The following NRIP1 variants were observed in gnomAD, a reference collection of about 807,000 sequenced individuals.
NRIP1 encodes nuclear receptor-interacting protein 1.
Under a neutral mutation model 75.0 loss-of-function variants are expected in NRIP1, and 28 were observed. The observed-to-expected ratio is 0.37, with a 90% CI of 0.28 to 0.51. The LOEUF (loss-of-function observed/expected upper bound fraction) is 0.51, where lower values mean the gene tolerates loss of function less well. NRIP1 is among the 20% of genes least tolerant of loss of function. The pLI is 0.92. For synonymous variants in NRIP1, 526 were observed against 487.6 expected (o/e 1.08, Z -1.04); for missense variants, 1,435 against 1,343.7 (o/e 1.07, Z -1.06).
At chr21:15,003,982 A>C (rs915453826) in intron 3 of NRIP1, among the ~76,000 whole-genome samples, 8 of 152,206 alleles carry the variant, frequency 5.3e-5, no homozygotes, top group Non-Finnish European at 1.2e-4. Context: ...ATTTCCTCAC[A>C]TATAGATTTC....
chr21:15,014,087 C>T (rs1393732969), intron 3 of NRIP1, among the ~76,000 whole-genome samples: 2 of 152,178 alleles, frequency 1.3e-5, no homozygotes, highest in South Asian at 2.1e-4. Flanking sequence ...CTCCATTTCT[C>T]TTACAGCATT....
In NRIP1 at chr21:14,962,710, T is replaced by G. The variant is rs2086623625; in HGVS notation, c.*2006A>C. 6.6e-6 allele frequency: 1 copy of G among 152,506 alleles called. No individual in the cohort carries two copies. Among genetic ancestry groups the G allele is most frequent in the African/African-American group, 2.4e-5 (1 of 41,452 alleles). The allele number at this position is 152,506 out of a possible 1,614,324, so 9.4% of individuals were successfully genotyped here. ...TTTTATGTCAGAATAAGCCTATGCCTTCACTTCTCCATGATGTTGCATAAT... is the reference window on the plus strand; with the variant it reads ...TTTTATGTCAGAATAAGCCTATGCCGTCACTTCTCCATGATGTTGCATAAT... On this transcript the variant is annotated 3_prime_UTR_variant, in exon 4 of 4. Coordinates refer to ENST00000318948, the MANE Select transcript of NRIP1 (RefSeq NM_003489.4).
At chr21:15,006,012 T>G (rs901587079) in intron 3 of NRIP1, among the ~76,000 whole-genome samples, 1 of 151,912 alleles carries the variant, frequency 6.6e-6, no homozygotes, top group African/African-American at 2.4e-5. Context: ...TATTTATCTC[T>G]AGAATTTTCA....
At chr21:15,038,695 T>C (rs2088887151) in intron 2 of NRIP1, among the ~76,000 whole-genome samples, 1 of 152,124 alleles carries the variant, frequency 6.6e-6, no homozygotes, top group Admixed American at 6.5e-5. Flanking sequence ...CATCCAAATG[T>C]ATTCTTATGC....
intron 2 of NRIP1, among the ~76,000 whole-genome samples, chr21:15,040,407 T>C (rs1332878811): frequency 6.6e-6 from 1 of 152,068 alleles, no homozygotes; most frequent in African/African-American, 2.4e-5. Context: ...CACTGCTCTA[T>C]AGGAAAGACC....
intron 3 of NRIP1, among the ~76,000 whole-genome samples, chr21:14,981,104 T>C (rs1185561808): frequency 2.0e-5 from 3 of 152,176 alleles, no homozygotes; most frequent in Non-Finnish European, 4.4e-5. Flanking sequence ...GGTCCCATCC[T>C]ACAGGATTAA....
intron 2 of NRIP1, among the ~76,000 whole-genome samples, chr21:15,039,736 C>T (rs1173486947): frequency 1.3e-5 from 2 of 152,020 alleles, no homozygotes; most frequent in Non-Finnish European, 2.9e-5. Context: ...GAAAAACACA[C>T]TTCCCCTAAA....
chr21:14,971,968 C>A (rs1398426506), intron 3 of NRIP1, among the ~76,000 whole-genome samples: 1 of 152,102 alleles, frequency 6.6e-6, no homozygotes, highest in Non-Finnish European at 1.5e-5. Context: ...GTACCAATTA[C>A]ATGAAGTAGT....
chr21:15,020,798 T>G (rs1312210199), intron 2 of NRIP1, among the ~76,000 whole-genome samples: 1 of 151,962 alleles, frequency 6.6e-6, no homozygotes, highest in East Asian at 1.9e-4. Flanking sequence ...AAAAAGATGC[T>G]CATTGTCATC....
rs75137511 is a variant in NRIP1 at position 14,996,722 on chromosome 21, C to T, written c.-335+17622G>A. On this transcript the variant is annotated intron_variant, in intron 3 of 3. Coordinates refer to ENST00000318948, the MANE Select transcript of NRIP1 (RefSeq NM_003489.4). ...TTCACCATGGGCACATCTGAGATACCGAATTTTTGCTAAATATAATAAATG... is the reference window on the plus strand; with the variant it reads ...TTCACCATGGGCACATCTGAGATACTGAATTTTTGCTAAATATAATAAATG... 0.018 allele frequency among the ~76,000 whole-genome samples: 2,751 copies of T among 152,148 alleles called. 231 individuals carry two copies. In the East Asian group the frequency reaches 0.27, roughly 15 times the overall value.
intron 3 of NRIP1, among the ~76,000 whole-genome samples, chr21:14,980,130 A>C (rs1016616635): frequency 1.3e-5 from 2 of 152,222 alleles, no homozygotes; most frequent in African/African-American, 2.4e-5. Context: ...CACAGGGATC[A>C]AAAGAAACTT....
Position 14,980,449 on chromosome 21 carries a change from G to C in NRIP1, c.-334-11923C>G, listed in dbSNP as rs372358180. 2.1e-3 allele frequency among the ~76,000 whole-genome samples: 325 copies of C among 151,348 alleles called. 19 individuals are homozygous for C. In the South Asian group the frequency reaches 0.065, roughly 30 times the overall value. On this transcript the variant is annotated intron_variant, in intron 3 of 3. Transcript: ENST00000318948. ...AGATCGCACTATTGCACTCCAGCTG[G>C]GTGACAGAGCGAGACTCCGTATCAA...
chr21:15,044,958 A>G (rs2089037426), intron 1 of NRIP1, among the ~76,000 whole-genome samples: 1 of 152,240 alleles, frequency 6.6e-6, no homozygotes. Context: ...ATCAATTAAT[A>G]TGCCAGGCTT....
At chr21:15,030,395 C>T (rs2088616431) in intron 2 of NRIP1, among the ~76,000 whole-genome samples, 1 of 152,190 alleles carries the variant, frequency 6.6e-6, no homozygotes, top group African/African-American at 2.4e-5. Context: ...TTAAGTCAAA[C>T]TAACACGAAG....
At chr21:15,008,035 C>T (rs1349931772) in intron 3 of NRIP1, among the ~76,000 whole-genome samples, 2 of 152,278 alleles carry the variant, frequency 1.3e-5, no homozygotes, top group East Asian at 3.9e-4. Flanking sequence ...ATTCCCAGAA[C>T]CCTCAGGGAA....
chr21:15,060,843 T>C (rs543906283), intron 1 of NRIP1, among the ~76,000 whole-genome samples: 1 of 152,264 alleles, frequency 6.6e-6, no homozygotes, highest in African/African-American at 2.4e-5. Flanking sequence ...ATACAGAAAC[T>C]AGATCTCTCT....
At chr21:15,034,467 C>A (rs1366425210) in intron 2 of NRIP1, among the ~76,000 whole-genome samples, 1 of 152,162 alleles carries the variant, frequency 6.6e-6, no homozygotes, top group Non-Finnish European at 1.5e-5. Flanking sequence ...TGGGAGTTTA[C>A]TAATTGTTTC....
Position 15,043,581 on chromosome 21 carries a change from A to T in NRIP1, c.-537-7T>A, listed in dbSNP as rs2089005158. 2 of 152,232 alleles carry T rather than the reference A, an allele frequency of 1.3e-5. No homozygotes were observed. The highest frequency in any genetic ancestry group is 2.9e-5 in the Non-Finnish European group (2 of 68,034). The allele number at this position is 152,232 out of a possible 1,614,324, so 9.4% of individuals were successfully genotyped here. A position where few individuals can be genotyped will look rare whatever the true frequency, so the allele number is the denominator to read the frequency against. ...CTCACAATCCAAACACTTCCTGAAA[A>T]TTAAGAGAAATAAGTGTTACTTCAA... On this transcript the variant is annotated splice_region_variant and splice_polypyrimidine_tract_variant and intron_variant, in intron 1 of 3. Transcript: ENST00000318948.
chr21:14,980,085 A>T (rs1212603276), intron 3 of NRIP1, among the ~76,000 whole-genome samples: 2 of 152,206 alleles, frequency 1.3e-5, no homozygotes, highest in Non-Finnish European at 2.9e-5. Context: ...GAAGTTTTAT[A>T]ATTTATCCAT....
Sources: allele counts gnomAD v4.1 joint callset (sites outside exome capture counted in the v4.1 genomes callset), GRCh38; gene constraint gnomAD v4.1.1; transcripts MANE v1.5; gene names NCBI Gene and HGNC (gene_info 2026-07-23, HGNC 2026-07-21).